SLC36A1: variants seen among roughly 807,000 people sequenced by gnomAD.
SLC36A1 encodes the protein proton-coupled amino acid transporter 1.
Under a neutral mutation model 47.5 loss-of-function variants are expected in SLC36A1, and 30 were observed. That is an observed-to-expected ratio of 0.63 (90% CI 0.47 to 0.86). The LOEUF (loss-of-function observed/expected upper bound fraction) is 0.86, where lower values mean the gene tolerates loss of function less well. Ranked by LOEUF, SLC36A1 falls within the 40% of genes least tolerant of loss-of-function variation. The pLI is 0.00. For synonymous variants in SLC36A1, 255 were observed against 249.7 expected, an observed-to-expected ratio of 1.02 and a Z score of -0.20; for missense variants, 517 against 606.0, an observed-to-expected ratio of 0.85 and a Z score of 1.54.
At chr5:151,553,151 T>C in the SLC36A1 span, 2 of 1,609,962 alleles carry the variant, frequency 1.2e-6, no homozygotes, top group Non-Finnish European at 8.5e-7. Context: ...GGGTTGGCCC[T>C]TGTTGGGCCC....
the SLC36A1 span, among the ~76,000 whole-genome samples, chr5:151,346,686 C>T: frequency 2.9e-3 from 437 of 152,312 alleles, 2 homozygotes; most frequent in African/African-American, 9.9e-3. Flanking sequence ...AAGGGAGCTG[C>T]AGCCCTGTAG....
chr5:151,420,801 T>G, the SLC36A1 span, among the ~76,000 whole-genome samples: 618 of 152,232 alleles, frequency 4.1e-3, 4 homozygotes, highest in Non-Finnish European at 6.0e-3. Context: ...TTAAAATATA[T>G]TTATAAATAA....
At chr5:151,349,392 G>A in the SLC36A1 span, among the ~76,000 whole-genome samples, 1 of 152,150 alleles carries the variant, frequency 6.6e-6, no homozygotes, top group Non-Finnish European at 1.5e-5. Context: ...TCTTCTCCTA[G>A]GGTGGGGATG....
chr5:151,442,142 T>C (rs917751513), intron 1 of SLC36A1, among the ~76,000 whole-genome samples: 4 of 152,202 alleles, frequency 2.6e-5, no homozygotes, highest in African/African-American at 9.6e-5. Flanking sequence ...AACATAATTT[T>C]TGTTTTAAAA....
At chr5:151,528,628 A>G in the SLC36A1 span, among the ~76,000 whole-genome samples, 1 of 152,098 alleles carries the variant, frequency 6.6e-6, no homozygotes, top group Non-Finnish European at 1.5e-5. Context: ...GGGGAAAGGT[A>G]GATATTCCTG....
chr5:151,347,399 A>T, the SLC36A1 span: 1 of 1,614,254 alleles, frequency 6.2e-7, no homozygotes, highest in South Asian at 1.1e-5. Flanking sequence ...AGGAGGCGAC[A>T]TAAGGTCCAA....
intron 6 of SLC36A1, 126 bp from the exon 7 acceptor site, chr5:151,467,581 G>T: frequency 1.3e-6 from 1 of 774,060 alleles, no homozygotes; most frequent in East Asian, 2.5e-5. Context: ...TGGCTCACTG[G>T]CCACAGATTC....
chr5:151,555,955 T>A, the SLC36A1 span, among the ~76,000 whole-genome samples: 1 of 152,140 alleles, frequency 6.6e-6, no homozygotes, highest in South Asian at 2.1e-4. Flanking sequence ...AGAGCACAGA[T>A]CTAGAAGACA....
At chr5:151,477,055 A>G (rs868318304) in intron 9 of SLC36A1, 6 of 454,966 alleles carry the variant, frequency 1.3e-5, no homozygotes, top group Middle Eastern at 1.3e-3. Context: ...AACCATTCCA[A>G]ATAGACAGGG....
chr5:151,505,988 G>A, the SLC36A1 span: 1 of 1,573,360 alleles, frequency 6.4e-7, no homozygotes, highest in South Asian at 1.2e-5. Flanking sequence ...GGGTTGAGTG[G>A]CGGTGAGCCG....
chr5:151,401,477 CT>C, the SLC36A1 span, among the ~76,000 whole-genome samples: 1 of 151,998 alleles, frequency 6.6e-6, no homozygotes, highest in African/African-American at 2.4e-5. Flanking sequence ...CACCTTTTTT[CT>C]TTTTGCTCAG....
the SLC36A1 span, chr5:151,527,495 C>G: frequency 1.1e-6 from 1 of 942,382 alleles, no homozygotes; most frequent in East Asian, 2.7e-5. Flanking sequence ...CTATGCCCAC[C>G]CCCACTGCCC....
the SLC36A1 span, among the ~76,000 whole-genome samples, chr5:151,526,777 T>G: frequency 2.6e-5 from 4 of 152,168 alleles, no homozygotes; most frequent in Admixed American, 2.6e-4. Flanking sequence ...CTCTGCCTTT[T>G]TATTCACTCC....
intron 1 of SLC36A1, among the ~76,000 whole-genome samples, chr5:151,438,922 T>C (rs780046964): frequency 3.8e-4 from 58 of 152,256 alleles, no homozygotes; most frequent in Non-Finnish European, 7.8e-4. Context: ...ACTATTGATA[T>C]AATGTTTTAT....
At chr5:151,441,171 T>G (rs766149590) in intron 1 of SLC36A1, among the ~76,000 whole-genome samples, 1 of 152,198 alleles carries the variant, frequency 6.6e-6, no homozygotes, top group Non-Finnish European at 1.5e-5. Flanking sequence ...TGCAGTGGCA[T>G]GCACCTGTAG....
chr5:151,443,212 A>T (rs1226631687), upstream of SLC36A1, among the ~76,000 whole-genome samples: 1 of 152,024 alleles, frequency 6.6e-6, no homozygotes, highest in Non-Finnish European at 1.5e-5. Context: ...AGAAACCTTT[A>T]TACTGTTTTT....
intron 10 of SLC36A1, among the ~76,000 whole-genome samples, chr5:151,486,875 A>C (rs1000110586): frequency 6.6e-6 from 1 of 152,212 alleles, no homozygotes; most frequent in African/African-American, 2.4e-5. Context: ...TTCATGGCCA[A>C]AAAGATGAGT....
the SLC36A1 span, among the ~76,000 whole-genome samples, chr5:151,405,277 T>TGA: frequency 2.3e-4 from 35 of 152,186 alleles, no homozygotes; most frequent in African/African-American, 8.4e-4. Flanking sequence ...TTTCAACTCT[T>TGA]GAATTGCTTT....
At chr5:151,468,267 A>ATATATATATATATATATATATATATATTT (rs1561759662) in intron 7 of SLC36A1, among the ~76,000 whole-genome samples, 31 of 50,766 alleles carry the variant, frequency 6.1e-4, no homozygotes, top group African/African-American at 4.5e-4. Flanking sequence ...AAAAAAAAAA[A>ATATATATATATATATATATATATATATTT]TATATATATA....
Sources: allele counts gnomAD v4.1 joint callset (sites outside exome capture counted in the v4.1 genomes callset), GRCh38; gene constraint gnomAD v4.1.1; transcripts MANE v1.5; gene names NCBI Gene and HGNC (gene_info 2026-07-23, HGNC 2026-07-21).